The following TRIM56 variants were observed in gnomAD, a reference collection of about 807,000 sequenced individuals.
TRIM56 encodes E3 ubiquitin-protein ligase TRIM56.
In TRIM56, 10 loss-of-function variants were observed where a neutral mutation model predicts 17.1. The ratio of observed to expected loss-of-function variants is 0.58; its 90% CI spans 0.36 to 0.99. The LOEUF (loss-of-function observed/expected upper bound fraction) is 0.99, where lower values mean the gene tolerates loss of function less well. Ranked by LOEUF, TRIM56 falls within the 50% of genes least tolerant of loss-of-function variation. The pLI, the probability that TRIM56 is intolerant of heterozygous loss-of-function variation, is 0.01. For missense variants in TRIM56, 923 were observed against 1,052.3 expected, an observed-to-expected ratio of 0.88 and a Z score of 1.70; for synonymous variants, 503 against 473.5, an observed-to-expected ratio of 1.06 and a Z score of -0.81.
intron 1 of TRIM56, among the ~76,000 whole-genome samples, chr7:101,086,560 C>CAAAAA (rs768912765): frequency 7.7e-5 from 3 of 39,054 alleles, no homozygotes; most frequent in East Asian, 9.7e-4. Context: ...GACTCTGTCT[C>CAAAAA]AAAAAAAAAA....
chr7:101,086,269 C>T (rs1277224118), intron 1 of TRIM56, among the ~76,000 whole-genome samples: 2 of 152,094 alleles, frequency 1.3e-5, no homozygotes, highest in Non-Finnish European at 2.9e-5. Flanking sequence ...AAAAAATGGG[C>T]TGGCTGGGCC....
In TRIM56 at chr7:101,090,630, CAG is replaced by C. The variant is rs1285947445; in HGVS notation, c.*1052_*1053del. The stretch of plus-strand genomic sequence containing the variant: ...CGAAAAAAAAAAAAAAAAAAAAAAA[CAG>C]AAACAACAGAAAAAGCAGGTTATCC... On this transcript the variant is annotated 3_prime_UTR_variant, in exon 3 of 3. Coordinates refer to ENST00000306085, the MANE Select transcript of TRIM56 (RefSeq NM_030961.3). 54 of 69,814 alleles carry C rather than the reference CAG, an allele frequency of 7.7e-4. No individual in the cohort carries two copies. The highest frequency in any genetic ancestry group is 1.4e-3 in the Non-Finnish European group (49 of 34,392). The allele number at this position is 69,814 out of a possible 1,614,324, so 4.3% of individuals were successfully genotyped here.
At chr7:101,087,239 C>A in intron 2 of TRIM56, 71 bp downstream of exon 2, 1 of 1,397,794 alleles carries the variant, frequency 7.2e-7, no homozygotes, top group Non-Finnish European at 9.9e-7. Context: ...GGCTTGAGGA[C>A]GGGCGGTAGA....
At position 101,092,520 on chromosome 7, in the gene TRIM56, C is replaced by T. The variant is rs1386745202; in HGVS notation, c.*2940C>T. On this transcript the variant is annotated 3_prime_UTR_variant, in exon 3 of 3. Coordinates refer to ENST00000306085, the MANE Select transcript of TRIM56 (RefSeq NM_030961.3). ...GGAGCCCCTCCGCCTGGCAGCCGCC[C>T]CGTCTGAGAAGTGAGGAGCCCCTCC... The T allele has an allele frequency of 1.2e-5, 2 of 166,962 alleles. No homozygotes were observed. The highest frequency in any genetic ancestry group is 1.4e-4 in the South Asian group (1 of 6,920). 10.3% of individuals were successfully genotyped at this position (166,962 alleles called of 1,614,324 possible). A position where few individuals can be genotyped will look rare whatever the true frequency, so the allele number is the denominator to read the frequency against.
chr7:101,089,661 G>C lies in TRIM56; in HGVS notation c.*81G>C. On this transcript the variant is annotated 3_prime_UTR_variant, in exon 3 of 3. Coordinates refer to ENST00000306085, the MANE Select transcript of TRIM56 (RefSeq NM_030961.3). ...GAGCTGTCCGTGGGAGGTGGAGGCCGAGGACATTTTCCTGAAGGGCAGGGG... is the reference window on the plus strand; with the variant it reads ...GAGCTGTCCGTGGGAGGTGGAGGCCCAGGACATTTTCCTGAAGGGCAGGGG... 1 of 1,376,524 alleles carries C rather than the reference G, an allele frequency of 7.3e-7. No homozygotes were observed. Among genetic ancestry groups the C allele is most frequent in the Non-Finnish European group, 9.8e-7 (1 of 1,017,912 alleles). The allele number at this position is 1,376,524 out of a possible 1,614,324, so 85.3% of individuals were successfully genotyped here.
Position 101,093,340 on chromosome 7 carries a change from T to TAAAAAAAAAAAAAAAAAAAA in TRIM56, c.*3779_*3780insAAAAAAAAAAAAAAAAAAAA, listed in dbSNP as rs576426651. On this transcript the variant is annotated 3_prime_UTR_variant, in exon 3 of 3. Coordinates refer to ENST00000306085, the MANE Select transcript of TRIM56 (RefSeq NM_030961.3). ...CACCCAAGAATGATCAATAAAAAAT[T>TAAAAAAAAAAAAAAAAAAAA]AAAAAAAAAAAAAAAAAAAGAAAAC... is the stretch of plus-strand genomic sequence containing the variant. 1 of 90,882 alleles carries TAAAAAAAAAAAAAAAAAAAA rather than the reference T, an allele frequency of 1.1e-5. No homozygotes were observed. The highest frequency in any genetic ancestry group is 3.5e-5 in the African/African-American group (1 of 28,196). The allele number at this position is 90,882 out of a possible 1,614,324, so 5.6% of individuals were successfully genotyped here.
chr7:101,085,924 A>G (rs1380498182), intron 1 of TRIM56, among the ~76,000 whole-genome samples: 1 of 152,180 alleles, frequency 6.6e-6, no homozygotes, highest in East Asian at 1.9e-4. Flanking sequence ...AGGAAAAGCT[A>G]AAAGAACAGG....
Position 101,091,468 on chromosome 7 carries a change from T to C in TRIM56, c.*1888T>C, listed in dbSNP as rs1795563606. On this transcript the variant is annotated 3_prime_UTR_variant, in exon 3 of 3. Coordinates refer to ENST00000306085, the MANE Select transcript of TRIM56 (RefSeq NM_030961.3). ...AGCGCCAGGCACGGTGACTCAAGCC[T>C]GTAATCCCAGCACTCTGGGAGGCTG... is the stretch of plus-strand genomic sequence containing the variant. 1 of 229,310 alleles carries C rather than the reference T, an allele frequency of 4.4e-6. No homozygotes were observed. The highest frequency in any genetic ancestry group is 4.4e-5 in the South Asian group (1 of 22,770). 14.2% of individuals were successfully genotyped at this position (229,310 alleles called of 1,614,324 possible). A position where few individuals can be genotyped will look rare whatever the true frequency, so the allele number is the denominator to read the frequency against.
chr7:101,094,545 TTGTCCTA>T lies in TRIM56; in HGVS notation c.*4968_*4974del, dbSNP rs769194013. The stretch of plus-strand genomic sequence containing the variant: ...AATGAAGGTGTCAGAACGAATGAGA[TTGTCCTA>T]TGAAAGAAGAGGCAGGAGCCAGGGA... On this transcript the variant is annotated 3_prime_UTR_variant, in exon 3 of 3. Coordinates refer to ENST00000306085, the MANE Select transcript of TRIM56 (RefSeq NM_030961.3). 6.6e-6 allele frequency: 1 copy of T among 152,062 alleles called. No individual in the cohort carries two copies. The highest frequency in any genetic ancestry group is 1.5e-5 in the Non-Finnish European group (1 of 68,006). 9.4% of individuals were successfully genotyped at this position (152,062 alleles called of 1,614,324 possible).
At position 101,092,578 on chromosome 7, in the gene TRIM56, G is replaced by A. The variant is rs936568427; in HGVS notation, c.*2998G>A. ...AGCCGCCCCGTCCGGGAGGGAGGTG[G>A]GGGGTCAGCCCCCTCCCGGCCAGCC... On this transcript the variant is annotated 3_prime_UTR_variant, in exon 3 of 3. Coordinates refer to ENST00000306085, the MANE Select transcript of TRIM56 (RefSeq NM_030961.3). The A allele has an allele frequency of 2.7e-3, 420 of 153,170 alleles. 6 individuals are homozygous for A. The highest frequency in any genetic ancestry group is 3.6e-3 in the Non-Finnish European group (252 of 70,774). The allele number at this position is 153,170 out of a possible 1,614,324, so 9.5% of individuals were successfully genotyped here.
chr7:101,095,759 G>C lies in TRIM56; in HGVS notation c.*6179G>C. 6.6e-6 allele frequency: 1 copy of C among 152,226 alleles called. No individual in the cohort carries two copies. The highest frequency in any genetic ancestry group is 1.5e-5 in the Non-Finnish European group (1 of 68,064). 9.4% of individuals were successfully genotyped at this position (152,226 alleles called of 1,614,324 possible). A position where few individuals can be genotyped will look rare whatever the true frequency, so the allele number is the denominator to read the frequency against. On this transcript the variant is annotated 3_prime_UTR_variant, in exon 3 of 3. Transcript: ENST00000306085. ...GGTGAGGGGGGCGAGAGCAGCAAAG[G>C]ACACTGGAAAATGAGAAGCATGGAT...
Position 101,089,362 on chromosome 7 carries a change from G to T in TRIM56, c.2050G>T (p.Val684Leu). 6.2e-7 allele frequency: 1 copy of T among 1,610,980 alleles called. No homozygotes were observed. Residue 684 changes from valine to leucine, a missense_variant, in exon 3 of 3, where the codon GTG (valine) becomes TTG (leucine). Physicochemically the swap from Val to Leu is conservative, Grantham distance 32. Transcript: ENST00000306085. ...CCTGCATGGCTGCCAGCCGGGCTCC[G>T]TGTCTGTGGATAAGAAGGGCTACAT... The part of the protein sequence containing the change: ...PGLHGCQPGS[V>L]SVDKKGYIFL...
chr7:101,088,990 A>G lies in TRIM56; in HGVS notation c.1678A>G (p.Ser560Gly). The G allele has an allele frequency of 6.2e-7, 1 of 1,610,292 alleles. No individual in the cohort carries two copies. Among genetic ancestry groups the G allele is most frequent in the Non-Finnish European group, 8.5e-7 (1 of 1,179,928 alleles). ...CSPCSVAALQ[S>G]AVAFSASARL... ...CCCTTGCAGCGTGGCCGCCCTGCAG[A>G]GCGCGGTGGCCTTCTCCGCTAGCGC... The change falls in exon 3 of 3, where the codon AGC becomes GGC. Residue 560 changes from serine (S) to glycine (G), a missense_variant. Coordinates refer to ENST00000306085, the MANE Select transcript of TRIM56 (RefSeq NM_030961.3).
rs932044447 is a variant in TRIM56, at chr7:101,091,987, A to G, written c.*2407A>G. 36 of 312,206 alleles carry G rather than the reference A, an allele frequency of 1.2e-4. No individual in the cohort carries two copies. The highest frequency in any genetic ancestry group is 2.2e-4 in the Non-Finnish European group (35 of 158,476). 19.3% of individuals were successfully genotyped at this position (312,206 alleles called of 1,614,324 possible). A position where few individuals can be genotyped will look rare whatever the true frequency, so the allele number is the denominator to read the frequency against. ...ATTTTTTTGGTGGAGACGGGGTTTC[A>G]CTGTGTTGGCCGGGCTGGTCTCCAG... On this transcript the variant is annotated 3_prime_UTR_variant, in exon 3 of 3. Transcript: ENST00000306085.
chr7:101,085,827 A>G (rs1254265625), intron 1 of TRIM56, among the ~76,000 whole-genome samples: 2 of 152,136 alleles, frequency 1.3e-5, no homozygotes. Context: ...GGGACATTCC[A>G]CCTAGTCTGC....
Position 101,088,456 on chromosome 7 carries a change from G to A in TRIM56, c.1144G>A (p.Asp382Asn). The change falls in exon 3 of 3, where the codon GAC becomes AAC. Residue 382 changes from aspartate (D) to asparagine (N), a missense_variant. By Grantham distance (23) the Asp-to-Asn change is conservative. Coordinates refer to ENST00000306085, the MANE Select transcript of TRIM56 (RefSeq NM_030961.3). ...GCAGCCCCAGAAGGATGGTGGGAAA[G>A]ACGGAGCTGGTACCCAGGGAGGTGA... ...EQQPQKDGGK[D>N]GAGTQGGEES... The A allele has an allele frequency of 1.4e-5, 23 of 1,613,762 alleles. No individual in the cohort carries two copies. The highest frequency in any genetic ancestry group is 1.7e-5 in the Non-Finnish European group (20 of 1,179,858).
At position 101,091,173 on chromosome 7, in the gene TRIM56, GC is replaced by G. The variant is rs531747434; in HGVS notation, c.*1595del. On this transcript the variant is annotated 3_prime_UTR_variant, in exon 3 of 3. Coordinates refer to ENST00000306085, the MANE Select transcript of TRIM56 (RefSeq NM_030961.3). ...CAAGTAGGCTTGGAGAATGTTTTTA[GC>G]CAGGGGCTGTTGAGAGATGGCAGAA... 163 of 152,446 alleles carry G rather than the reference GC, an allele frequency of 1.1e-3. No individual in the cohort carries two copies. Among genetic ancestry groups the G allele is most frequent in the African/African-American group, 3.8e-3 (156 of 41,580 alleles). 9.4% of individuals were successfully genotyped at this position (152,446 alleles called of 1,614,324 possible).
rs956809649 is a variant in TRIM56 at position 101,091,282 on chromosome 7, A to T, written c.*1702A>T. On this transcript the variant is annotated 3_prime_UTR_variant, in exon 3 of 3. Coordinates refer to ENST00000306085, the MANE Select transcript of TRIM56 (RefSeq NM_030961.3). ...TTGGACAAGTCCAGATGGAATGTGC[A>T]GGGCATAGGTAGAGGGAAAAGAAAA... The T allele has an allele frequency of 6.4e-6, 1 of 156,996 alleles. No homozygotes were observed. The highest frequency in any genetic ancestry group is 1.4e-5 in the Non-Finnish European group (1 of 71,014). 9.7% of individuals were successfully genotyped at this position (156,996 alleles called of 1,614,324 possible).
rs757054239 is a variant in TRIM56 at position 101,088,466 on chromosome 7, G to A, written c.1154G>A (p.Gly385Asp). The change falls in exon 3 of 3, where the codon GGT (glycine) becomes GAT (aspartate). Residue 385 changes from glycine to aspartate, a missense_variant. Gly to Asp is a moderately conservative substitution (Grantham distance 94, BLOSUM62 -1). Around this residue, in one of 3 missense-constraint regions of TRIM56, gnomAD observed 643 missense variants for 665.6 expected, o/e 0.97. Coordinates refer to ENST00000306085, the MANE Select transcript of TRIM56 (RefSeq NM_030961.3). ...PQKDGGKDGA[G>D]TQGGEESQSR... Reference sequence around the variant, plus strand: ...AAGGATGGTGGGAAAGACGGAGCTGGTACCCAGGGAGGTGAGGAGAGCCAG... The same window carrying A: ...AAGGATGGTGGGAAAGACGGAGCTGATACCCAGGGAGGTGAGGAGAGCCAG... The A allele has an allele frequency of 1.1e-5, 17 of 1,613,710 alleles. No homozygotes were observed. The highest frequency in any genetic ancestry group is 1.4e-5 in the Non-Finnish European group (17 of 1,179,876).
Sources: allele counts gnomAD v4.1 joint callset (sites outside exome capture counted in the v4.1 genomes callset), GRCh38; gene constraint gnomAD v4.1.1; regional missense constraint gnomAD v4.1.1; transcripts MANE v1.5; gene names NCBI Gene and HGNC (gene_info 2026-07-23, HGNC 2026-07-21).